Variants in GNS observed in about 807,000 individuals in gnomAD.
GNS encodes N-acetylglucosamine-6-sulfatase.
Under a neutral mutation model 69.7 loss-of-function variants are expected in GNS, and 40 were observed. The observed-to-expected ratio is 0.57, with a 90% CI of 0.45 to 0.75. The LOEUF (loss-of-function observed/expected upper bound fraction) is 0.75. Among genes scored for constraint, GNS ranks in the 30% least tolerant of loss-of-function variants. GNS has a pLI of 0.00. For missense variants in GNS, 565 were observed against 685.5 expected (o/e 0.82, Z 1.96); for synonymous variants, 243 against 251.6 (o/e 0.97, Z 0.32).
chr12:64,751,968 A>G (rs568162117), intron 2 of GNS, among the ~76,000 whole-genome samples: 54 of 151,908 alleles, frequency 3.6e-4, no homozygotes, highest in African/African-American at 1.2e-3. Context: ...AAAAAAAAAA[A>G]AAGAAGAAAG....
In GNS at chr12:64,759,273, G is replaced by A. The variant is rs200441930; in HGVS notation, c.4C>T (p.Arg2Trp). MRLLPLAPGRLR... is the reference protein window; with the variant it reads MWLLPLAPGRLR... The stretch of plus-strand genomic sequence containing the variant: ...CGACCTGGGGCTAGAGGCAGGAGCC[G>A]CATAGCGGACAGGCTCCGGGGTGAC... The change falls in exon 1 of 14, where the codon CGG becomes TGG. Residue 2 changes from arginine to tryptophan, a missense_variant. Transcript: ENST00000258145. 3.0e-4 allele frequency: 463 copies of A among 1,518,058 alleles called. 1 individual carries two copies. The Middle Eastern group carries it at 3.3e-3, about 11-fold the overall frequency. 94.0% of individuals were successfully genotyped at this position (1,518,058 alleles called of 1,614,324 possible). A position where few individuals can be genotyped will look rare whatever the true frequency, so the allele number is the denominator to read the frequency against.
At chr12:64,727,521 A>C (rs979323636) in intron 10 of GNS, among the ~76,000 whole-genome samples, 1 of 152,230 alleles carries the variant, frequency 6.6e-6, no homozygotes, top group African/African-American at 2.4e-5. Flanking sequence ...ATGGATAAAT[A>C]AAATGTGATA....
chr12:64,722,327 C>A (rs1245175), intron 11 of GNS, among the ~76,000 whole-genome samples: 1 of 151,956 alleles, frequency 6.6e-6, no homozygotes. Context: ...CCAAATGACT[C>A]ATTTCTAAGA....
At chr12:64,721,346 C>T (rs995101893) in intron 12 of GNS, among the ~76,000 whole-genome samples, 5 of 152,182 alleles carry the variant, frequency 3.3e-5, no homozygotes, top group Admixed American at 1.3e-4. Flanking sequence ...ATTCTGAAAA[C>T]GTGAATTGTG....
chr12:64,739,577 A>C (rs1722982011), intron 7 of GNS, 78 bp from the exon 8 acceptor site: 8 of 737,496 alleles, frequency 1.1e-5, no homozygotes, highest in Non-Finnish European at 1.9e-5. Context: ...AAAAAAAAAA[A>C]ACCAAAAACA....
chr12:64,733,739 C>T (rs552424700), intron 9 of GNS, among the ~76,000 whole-genome samples: 2 of 152,342 alleles, frequency 1.3e-5, no homozygotes, highest in South Asian at 4.1e-4. Flanking sequence ...CCAAAGCCAA[C>T]AGGTCGTCTT....
Position 64,720,126 on chromosome 12 carries a change from A to G in GNS, c.1476T>C (p.Ala492=), listed in dbSNP as rs749280926. The stretch of plus-strand genomic sequence containing the variant: ...CTAAAAGCTCTGGGTCTATGGTTTT[A>G]GCAATGTTAGTGATCTGGTCTGGGT... ...TADPDQITNI[A]KTIDPELLGK... Residue 492 remains alanine (A), a synonymous_variant, in exon 13 of 14, where the codon GCT becomes GCC. Coordinates refer to ENST00000258145, the MANE Select transcript of GNS (RefSeq NM_002076.4). 6.2e-7 allele frequency: 1 copy of G among 1,605,796 alleles called. No individual in the cohort carries two copies. Among genetic ancestry groups the G allele is most frequent in the East Asian group, 2.2e-5 (1 of 44,844 alleles).
chr12:64,744,948 G>A (rs763930564), intron 4 of GNS, 41 bp from the exon 5 acceptor site: 2 of 878,078 alleles, frequency 2.3e-6, no homozygotes, highest in African/African-American at 3.3e-5. Flanking sequence ...TGAGGTCAGT[G>A]CACAAAGTGG....
rs1052219740 is a variant in GNS, at chr12:64,713,491, G to C, written c.*3250C>G. 2.0e-5 allele frequency: 3 copies of C among 152,662 alleles called. No homozygotes were observed. The highest frequency in any genetic ancestry group is 4.8e-5 in the African/African-American group (2 of 41,462). 9.5% of individuals were successfully genotyped at this position (152,662 alleles called of 1,614,324 possible). On this transcript the variant is annotated 3_prime_UTR_variant, in exon 14 of 14. Transcript: ENST00000258145. ...TTAATTCATTGAAAAGTGCAGCAGTGAACAGGGTCCTTTTGAAGGGCACTT... is the reference window on the plus strand; with the variant it reads ...TTAATTCATTGAAAAGTGCAGCAGTCAACAGGGTCCTTTTGAAGGGCACTT...
At position 64,743,723 on chromosome 12, in the gene GNS, T is replaced by A. The variant is rs116889774; in HGVS notation, c.625-415A>T. 1.2e-4 allele frequency among the ~76,000 whole-genome samples: 18 copies of A among 152,318 alleles called. No individual in the cohort carries two copies. The East Asian group carries it at 1.7e-3, about 15-fold the overall frequency. On this transcript the variant is annotated intron_variant, in intron 5 of 13. Transcript: ENST00000258145. ...GGTAGATTAAGTTACCTTAACCTTA[T>A]GAAAATATGTAGAAAGTAGATGTCA...
chr12:64,722,138 C>T (rs1222410978), intron 11 of GNS, among the ~76,000 whole-genome samples: 1 of 151,982 alleles, frequency 6.6e-6, no homozygotes, highest in Non-Finnish European at 1.5e-5. Context: ...GATTATCCTT[C>T]CTCAGCCTCC....
chr12:64,749,367 C>G (rs1404753999), intron 2 of GNS, among the ~76,000 whole-genome samples: 1 of 150,652 alleles, frequency 6.6e-6, no homozygotes, highest in Non-Finnish European at 1.5e-5. Context: ...ATTCTCCTGC[C>G]TCAGCCTCCC....
At chr12:64,720,531 G>C (rs1262518647) in intron 12 of GNS, among the ~76,000 whole-genome samples, 1 of 152,194 alleles carries the variant, frequency 6.6e-6, no homozygotes, top group African/African-American at 2.4e-5. Flanking sequence ...CAATGGCAAG[G>C]TCTCAGAAAC....
intron 9 of GNS, among the ~76,000 whole-genome samples, chr12:64,733,948 T>C (rs1335547301): frequency 1.3e-5 from 2 of 152,246 alleles, no homozygotes; most frequent in African/African-American, 4.8e-5. Context: ...CCCACACAGC[T>C]TAAGTCCACC....
intron 10 of GNS, among the ~76,000 whole-genome samples, chr12:64,725,119 GT>G (rs1364492549): frequency 6.6e-6 from 1 of 152,204 alleles, no homozygotes; most frequent in African/African-American, 2.4e-5. Flanking sequence ...ATCTCTAGGG[GT>G]GAGGCCCAGG....
intron 13 of GNS, among the ~76,000 whole-genome samples, chr12:64,717,386 T>C (rs1163721407): frequency 6.6e-6 from 1 of 152,226 alleles, no homozygotes; most frequent in African/African-American, 2.4e-5. Flanking sequence ...AGAGTCAGTC[T>C]GTCGCCCAGG....
chr12:64,741,487 T>A (rs1282603000), intron 6 of GNS, among the ~76,000 whole-genome samples: 1 of 152,034 alleles, frequency 6.6e-6, no homozygotes. Context: ...GGTTTCATCA[T>A]GTTCGCCAGG....
chr12:64,747,395 G>A (rs975059936), intron 3 of GNS, among the ~76,000 whole-genome samples: 2 of 152,134 alleles, frequency 1.3e-5, no homozygotes, highest in East Asian at 3.9e-4. Flanking sequence ...CAGAATTCCT[G>A]AGGAAAAAGG....
chr12:64,750,454 C>G (rs896047832), intron 2 of GNS, among the ~76,000 whole-genome samples: 1 of 152,262 alleles, frequency 6.6e-6, no homozygotes, highest in Admixed American at 6.5e-5. Flanking sequence ...CCTCAGCCTC[C>G]TAACATGCTG....
Sources: gnomAD v4.1 joint callset for allele counts (sites outside exome capture counted in the v4.1 genomes callset) on GRCh38, gnomAD v4.1.1 for gene constraint, MANE v1.5 for transcripts, NCBI Gene and HGNC (gene_info 2026-07-23, HGNC 2026-07-21) for gene names.